The following NAALADL2 variants were observed in gnomAD, a reference collection of about 807,000 sequenced individuals.
NAALADL2 encodes N-acetylated alpha-linked acidic dipeptidase like 2, also known as inactive N-acetylated-alpha-linked acidic dipeptidase-like protein 2.
Under a neutral mutation model 87.2 loss-of-function variants are expected in NAALADL2, and 76 were observed. The ratio of observed to expected loss-of-function variants is 0.87; its 90% CI spans 0.72 to 1.05. The LOEUF is 1.05. Among genes scored for constraint, NAALADL2 ranks in the 50% least tolerant of loss-of-function variants. The pLI, the probability that NAALADL2 is intolerant of heterozygous loss-of-function variation, is 0.00. For synonymous variants in NAALADL2, 354 were observed against 331.0 expected, an observed-to-expected ratio of 1.07 and a Z score of -0.75; for missense variants, 1,089 against 945.8, an observed-to-expected ratio of 1.15 and a Z score of -1.99.
At chr3:175,546,275 A>G (rs1713301475) in intron 9 of NAALADL2, among the ~76,000 whole-genome samples, 1 of 152,050 alleles carries the variant, frequency 6.6e-6, no homozygotes. Flanking sequence ...TTTTGAGCAT[A>G]TGTATGTCCT....
chr3:175,430,396 A>G (rs1717556902), intron 5 of NAALADL2, among the ~76,000 whole-genome samples: 1 of 151,992 alleles, frequency 6.6e-6, no homozygotes, highest in Non-Finnish European at 1.5e-5. Flanking sequence ...TCTCTATGGC[A>G]TTATTTTGAA....
chr3:175,698,629 T>A (rs893341525), intron 11 of NAALADL2, among the ~76,000 whole-genome samples: 1 of 150,950 alleles, frequency 6.6e-6, no homozygotes, highest in Non-Finnish European at 1.5e-5. Context: ...ACCTTTTTGA[T>A]ATTATACATT....
At chr3:174,776,166 A>G (rs7622293) in intron 3 of NAALADL2, among the ~76,000 whole-genome samples, 81,731 of 151,948 alleles carry the variant, frequency 0.54, 22,332 homozygotes, top group Middle Eastern at 0.67. Context: ...TTTCTTATTT[A>G]AACCTGAAGT....
chr3:175,319,077 C>T (rs115441501), intron 4 of NAALADL2, among the ~76,000 whole-genome samples: 1,682 of 152,230 alleles, frequency 0.011, 38 homozygotes, highest in African/African-American at 0.038. Context: ...TTAGACTCTC[C>T]CTCCCCCACA....
At chr3:174,781,652 A>G (rs1442612031) in intron 3 of NAALADL2, among the ~76,000 whole-genome samples, 1 of 152,092 alleles carries the variant, frequency 6.6e-6, no homozygotes, top group African/African-American at 2.4e-5. Flanking sequence ...TAGAATTAAA[A>G]GATGGATAGG....
intron 4 of NAALADL2, among the ~76,000 whole-genome samples, chr3:175,295,260 A>G (rs1015110023): frequency 2.0e-5 from 3 of 152,180 alleles, no homozygotes; most frequent in African/African-American, 7.2e-5. Flanking sequence ...CGTTGACCTT[A>G]TACCAAAGTT....
chr3:175,023,223 C>A (rs949772212), intron 1 of NAALADL2, among the ~76,000 whole-genome samples: 7 of 150,998 alleles, frequency 4.6e-5, no homozygotes, highest in Non-Finnish European at 5.9e-5. Context: ...GCACTCAAGT[C>A]ATAAAGATGT....
At chr3:175,002,811 G>A (rs1748423555) in intron 1 of NAALADL2, among the ~76,000 whole-genome samples, 2 of 152,164 alleles carry the variant, frequency 1.3e-5, no homozygotes, top group Non-Finnish European at 2.9e-5. Flanking sequence ...ACTAACTACA[G>A]CTGATGAAAC....
At chr3:175,625,435 A>C (rs1726845545) in intron 10 of NAALADL2, among the ~76,000 whole-genome samples, 1 of 152,050 alleles carries the variant, frequency 6.6e-6, no homozygotes. Context: ...AGAATATTGC[A>C]ATGCGAGAAG....
intron 9 of NAALADL2, among the ~76,000 whole-genome samples, chr3:175,473,252 A>C (rs975484687): frequency 6.6e-6 from 1 of 152,114 alleles, no homozygotes; most frequent in African/African-American, 2.4e-5. Context: ...CTCAATCACA[A>C]GTGATGATTG....
intron 3 of NAALADL2, among the ~76,000 whole-genome samples, chr3:174,822,709 A>C (rs1382440017): frequency 2.6e-5 from 4 of 152,184 alleles, no homozygotes; most frequent in African/African-American, 9.7e-5. Context: ...ATTTGTCCAA[A>C]GGCAGAAAGG....
At chr3:175,704,304 G>T (rs1382523242) in intron 11 of NAALADL2, among the ~76,000 whole-genome samples, 2 of 152,086 alleles carry the variant, frequency 1.3e-5, no homozygotes, top group Non-Finnish European at 2.9e-5. Context: ...CAGTACAAAC[G>T]TGGAAAGCCC....
chr3:175,322,994 A>C (rs1760119669), intron 4 of NAALADL2, among the ~76,000 whole-genome samples: 1 of 152,008 alleles, frequency 6.6e-6, no homozygotes, highest in South Asian at 2.1e-4. Flanking sequence ...CTGGGTATAT[A>C]CCCAAAAGAC....
At position 175,365,612 on chromosome 3, in the gene NAALADL2, A is replaced by C. The variant is rs1036945978; in HGVS notation, c.1090+41287A>C. Among the ~76,000 whole-genome samples the C allele has an allele frequency of 1.2e-4, 17 of 147,372 alleles. 2 individuals carry two copies. The highest frequency in any genetic ancestry group is 4.2e-4 in the African/African-American group (17 of 40,562). On this transcript the variant is annotated intron_variant, in intron 5 of 13. Coordinates refer to ENST00000454872, the MANE Select transcript of NAALADL2 (RefSeq NM_207015.3). ...AGGCAAAATAACATGTTTGGTGGTC[A>C]TCCTTCTCAGTACAGAAATCAAAAT...
At chr3:175,709,417 T>C (rs1449816629) in intron 11 of NAALADL2, among the ~76,000 whole-genome samples, 1 of 152,054 alleles carries the variant, frequency 6.6e-6, no homozygotes, top group Non-Finnish European at 1.5e-5. Context: ...CCTAGTTAGG[T>C]GAACAGAGAC....
At chr3:175,025,485 C>G (rs1198546580) in intron 1 of NAALADL2, among the ~76,000 whole-genome samples, 1 of 152,020 alleles carries the variant, frequency 6.6e-6, no homozygotes, top group Non-Finnish European at 1.5e-5. Flanking sequence ...ATAACATGTA[C>G]TATATAGTGT....
chr3:174,924,703 C>T (rs1049436077), intron 1 of NAALADL2, among the ~76,000 whole-genome samples: 5 of 152,244 alleles, frequency 3.3e-5, no homozygotes, highest in African/African-American at 7.2e-5. Flanking sequence ...TCCTATTTGT[C>T]CACATCCTCT....
At chr3:174,460,910 T>C (rs1476274788) in intron 1 of NAALADL2, among the ~76,000 whole-genome samples, 1 of 152,086 alleles carries the variant, frequency 6.6e-6, no homozygotes, top group Non-Finnish European at 1.5e-5. Context: ...AGTTAGATGC[T>C]GGCTAATTCC....
chr3:174,748,809 A>G (rs1349019134), intron 3 of NAALADL2, among the ~76,000 whole-genome samples: 1 of 152,196 alleles, frequency 6.6e-6, no homozygotes, highest in Non-Finnish European at 1.5e-5. Context: ...AATCAGGTCT[A>G]CAATGCAATA....
Sources: gnomAD v4.1 joint callset for allele counts (sites outside exome capture counted in the v4.1 genomes callset) on GRCh38, gnomAD v4.1.1 for gene constraint, MANE v1.5 for transcripts, NCBI Gene and HGNC (gene_info 2026-07-23, HGNC 2026-07-21) for gene names.